ZCCHC14: variants seen among roughly 807,000 people sequenced by gnomAD.
ZCCHC14 encodes zinc finger CCHC domain-containing protein 14.
A neutral mutation model predicts 85.0 loss-of-function variants in ZCCHC14; 16 were observed. That is an observed-to-expected ratio of 0.19 (90% CI 0.13 to 0.29). The LOEUF (loss-of-function observed/expected upper bound fraction) is 0.29. Ranked by LOEUF, ZCCHC14 falls within the 10% of genes least tolerant of loss-of-function variation. The pLI is 1.00. For missense variants in ZCCHC14, 1,303 were observed against 1,443.5 expected, an observed-to-expected ratio of 0.90 and a Z score of 1.58; for synonymous variants, 775 against 630.7, an observed-to-expected ratio of 1.23 and a Z score of -3.43.
At chr16:87,427,640 AT>A (rs1229488108) in intron 3 of ZCCHC14, among the ~76,000 whole-genome samples, 1 of 151,812 alleles carries the variant, frequency 6.6e-6, no homozygotes, top group African/African-American at 2.4e-5. Flanking sequence ...TTGTTTTATC[AT>A]TTTTTTTCTT....
rs74886333 is a variant in ZCCHC14, at chr16:87,421,402, G to A, written c.841-686C>T. Among the ~76,000 whole-genome samples, 1,433 of 152,268 alleles carry A rather than the reference G, an allele frequency of 9.4e-3. 16 individuals carry two copies. Among genetic ancestry groups the A allele is most frequent in the African/African-American group, 0.032 (1,319 of 41,550 alleles). On this transcript the variant is annotated intron_variant, in intron 4 of 12. Transcript: ENST00000671377. ...TCTGCCACCAGTCACAAGAAGACCC[G>A]CTGCTCCTGGAAGAAGGGGAAAAGC... is the stretch of plus-strand genomic sequence containing the variant.
Position 87,415,208 on chromosome 16 carries a change from C to G in ZCCHC14, c.1475+68G>C. 50 of 1,450,264 alleles carry G rather than the reference C, an allele frequency of 3.4e-5. No individual in the cohort carries two copies. The South Asian group carries it at 5.6e-4, about 16-fold the overall frequency. 89.8% of individuals were successfully genotyped at this position (1,450,264 alleles called of 1,614,324 possible). On this transcript the variant is annotated intron_variant, in intron 9 of 12. Transcript: ENST00000671377. ...ATCACTAGTATTTAGCACTGGAAGC[C>G]TCAGCACTCCATTCGGCACACGAGA... is the stretch of plus-strand genomic sequence containing the variant.
chr16:87,454,597 T>C (rs1293359940), intron 2 of ZCCHC14, among the ~76,000 whole-genome samples: 3 of 152,204 alleles, frequency 2.0e-5, no homozygotes, highest in East Asian at 1.9e-4. Flanking sequence ...TCAGCAGAAC[T>C]GCAGTGAAAG....
chr16:87,441,878 G>T (rs1910202559), intron 2 of ZCCHC14, among the ~76,000 whole-genome samples: 1 of 152,186 alleles, frequency 6.6e-6, no homozygotes. Context: ...AGCAACGAAA[G>T]CCCCTGGAAG....
At chr16:87,430,459 T>A (rs558872149) in intron 3 of ZCCHC14, among the ~76,000 whole-genome samples, 3 of 152,272 alleles carry the variant, frequency 2.0e-5, no homozygotes, top group African/African-American at 7.2e-5. Context: ...AGTCTTCCAA[T>A]TCGTTTCTTC....
Position 87,467,132 on chromosome 16 carries a change from C to T in ZCCHC14, c.571-7001G>A, listed in dbSNP as rs1270433388. 8.5e-6 allele frequency: 8 copies of T among 943,244 alleles called. No homozygotes were observed. The East Asian group carries it at 1.7e-4, about 20-fold the overall frequency. 58.4% of individuals were successfully genotyped at this position (943,244 alleles called of 1,614,324 possible). ...ACTCCTGGCCTCAAAAGTGGTCCTC[C>T]ACCAGATCAGACCTGTTGATAGATG... On this transcript the variant is annotated intron_variant, in intron 1 of 12. Transcript: ENST00000671377.
At chr16:87,487,148 T>C (rs1340559536) in intron 1 of ZCCHC14, among the ~76,000 whole-genome samples, 1 of 152,206 alleles carries the variant, frequency 6.6e-6, no homozygotes, top group African/African-American at 2.4e-5. Flanking sequence ...GGTATTTGTG[T>C]CTATCTGAAG....
In ZCCHC14 at chr16:87,417,740, G is replaced by C. The variant is rs1908868377; in HGVS notation, c.1103C>G (p.Pro368Arg). The C allele has an allele frequency of 6.3e-7, 1 of 1,587,494 alleles. No homozygotes were observed. Among genetic ancestry groups the C allele is most frequent in the Non-Finnish European group, 8.6e-7 (1 of 1,168,422 alleles). ...VGTVMGVSGR[P>R]VCGVAGIPSS... ...CGGGATACCAGCCACTCCACACACA[G>C]GCCTGTGGGACAGGGGCAGGAGGGA... The change falls in exon 8 of 13, where the codon CCT (proline) becomes CGT (arginine). Residue 368 changes from proline to arginine, a missense_variant and splice_region_variant. Pro to Arg is a moderately radical substitution (Grantham distance 103). Transcript: ENST00000671377.
intron 2 of ZCCHC14, among the ~76,000 whole-genome samples, chr16:87,447,672 T>A (rs189124221): frequency 1.3e-5 from 2 of 152,366 alleles, no homozygotes; most frequent in Admixed American, 1.3e-4. Context: ...AGCCTTCATC[T>A]CCAAGTGCTG....
At chr16:87,428,700 C>T (rs908118883) in intron 3 of ZCCHC14, among the ~76,000 whole-genome samples, 1 of 152,226 alleles carries the variant, frequency 6.6e-6, no homozygotes, top group African/African-American at 2.4e-5. Flanking sequence ...CAGCCCCTCC[C>T]CAGGAAACCA....
At chr16:87,457,242 T>C (rs1440129999) in intron 2 of ZCCHC14, among the ~76,000 whole-genome samples, 1 of 152,246 alleles carries the variant, frequency 6.6e-6, no homozygotes, top group Non-Finnish European at 1.5e-5. Flanking sequence ...ATGATTTCAC[T>C]GGTTAATGTG....
At chr16:87,433,921 G>A (rs1457272517) in intron 2 of ZCCHC14, among the ~76,000 whole-genome samples, 1 of 151,796 alleles carries the variant, frequency 6.6e-6, no homozygotes, top group African/African-American at 2.4e-5. Context: ...TGGATTTACA[G>A]GCGAAAGCCA....
chr16:87,427,536 C>G (rs906727232), intron 3 of ZCCHC14, among the ~76,000 whole-genome samples: 15 of 152,016 alleles, frequency 9.9e-5, no homozygotes, highest in African/African-American at 3.6e-4. Flanking sequence ...CTTCAGCCAC[C>G]CAAGTGAAAA....
chr16:87,440,112 T>C (rs1308792608), intron 2 of ZCCHC14, among the ~76,000 whole-genome samples: 1 of 152,156 alleles, frequency 6.6e-6, no homozygotes, highest in Non-Finnish European at 1.5e-5. Context: ...CGGCCTAACA[T>C]GCACTTTGAA....
rs749024835 is a variant in ZCCHC14, at chr16:87,411,870, A to T, written c.2851T>A (p.Phe951Ile). The T allele has an allele frequency of 1.9e-6, 3 of 1,604,764 alleles. No individual in the cohort carries two copies. The Admixed American group carries it at 5.1e-5, about 28-fold the overall frequency. The change falls in exon 12 of 13, where the codon TTC becomes ATC. Residue 951 changes from phenylalanine to isoleucine, a missense_variant. This residue lies in a region of ZCCHC14 where 797 missense variants were observed against 730.8 expected (regional missense o/e 1.09). Transcript: ENST00000671377. Reference sequence around the variant, plus strand: ...AAGGTGAACACGGACGGACCGGAGAACGGGTGCTGGAAGTAGTTGGCGTAG... The same window carrying T: ...AAGGTGAACACGGACGGACCGGAGATCGGGTGCTGGAAGTAGTTGGCGTAG... The part of the protein sequence containing the change: ...VSYANYFQHP[F>I]SGPSVFTFPF...
intron 2 of ZCCHC14, among the ~76,000 whole-genome samples, chr16:87,442,951 G>GT (rs1910256245): frequency 6.6e-6 from 1 of 152,196 alleles, no homozygotes; most frequent in Non-Finnish European, 1.5e-5. Context: ...TGAGAGGACT[G>GT]TTTGTCAGCG....
chr16:87,417,432 T>C (rs1238204256), intron 8 of ZCCHC14, 28 bp downstream of exon 8: 3 of 1,608,216 alleles, frequency 1.9e-6, no homozygotes, highest in Non-Finnish European at 2.6e-6. Flanking sequence ...CTAGCAATTC[T>C]GTACGGCCAG....
Position 87,491,032 on chromosome 16 carries a change from C to G in ZCCHC14, c.570+637G>C, listed in dbSNP as rs1018036128. On this transcript the variant is annotated intron_variant, in intron 1 of 12. Coordinates refer to ENST00000671377, the MANE Select transcript of ZCCHC14 (RefSeq NM_015144.3). The surrounding 1 kb of genome is among the most constrained non-coding windows in gnomAD (Gnocchi z 5.9). ...GGCGGCTTCTGGCGTGGCCACGGCT[C>G]CTTCCTTTTCTGGTAATAAATACCA... is the stretch of plus-strand genomic sequence containing the variant. Among the ~76,000 whole-genome samples the G allele has an allele frequency of 1.3e-5, 2 of 152,246 alleles. No individual in the cohort carries two copies. Among genetic ancestry groups the G allele is most frequent in the African/African-American group, 2.4e-5 (1 of 41,464 alleles).
intron 2 of ZCCHC14, among the ~76,000 whole-genome samples, chr16:87,453,288 A>G (rs1555522631): frequency 6.6e-6 from 1 of 152,218 alleles, no homozygotes; most frequent in Non-Finnish European, 1.5e-5. Context: ...TTCCACAAAT[A>G]ACAAAGAACG....
Sources: gnomAD v4.1 joint callset for allele counts (sites outside exome capture counted in the v4.1 genomes callset) on GRCh38, gnomAD v4.1.1 for gene constraint, gnomAD v4.1.1 regional missense constraint, Gnocchi (gnomAD v3.1) non-coding constraint, MANE v1.5 for transcripts, NCBI Gene and HGNC (gene_info 2026-07-23, HGNC 2026-07-21) for gene names.